NBPF3: variants seen among roughly 807,000 people sequenced by gnomAD.
The protein encoded by NBPF3 is NBPF family member NBPF3.
NBPF3 carries 57 observed loss-of-function variants against 78.1 expected under a neutral mutation model. The ratio of observed to expected loss-of-function variants is 0.73; its 90% CI spans 0.59 to 0.91. NBPF3 has a LOEUF of 0.91. Among genes scored for constraint, NBPF3 ranks in the 40% least tolerant of loss-of-function variants. NBPF3 has a pLI of 0.00. For synonymous variants in NBPF3, 182 were observed against 271.7 expected (o/e 0.67, Z 3.25); for missense variants, 510 against 715.3 (o/e 0.71, Z 3.27).
chr1:21,456,070 G>A (rs779317769), intron 2 of NBPF3, among the ~76,000 whole-genome samples: 2 of 152,162 alleles, frequency 1.3e-5, no homozygotes, highest in Non-Finnish European at 2.9e-5. Context: ...AATCCACAAA[G>A]GGGTGGATTG....
At chr1:21,463,158 C>A (rs2147957648) in intron 2 of NBPF3, among the ~76,000 whole-genome samples, 1 of 152,306 alleles carries the variant, frequency 6.6e-6, no homozygotes, top group East Asian at 1.9e-4. Flanking sequence ...TTGAGTGAGT[C>A]CAACCCCTGC....
intron 2 of NBPF3, among the ~76,000 whole-genome samples, chr1:21,452,602 G>A (rs1473298078): frequency 6.6e-6 from 1 of 152,204 alleles, no homozygotes; most frequent in Non-Finnish European, 1.5e-5. Flanking sequence ...TTAAATCCCC[G>A]TCAGTTTAAA....
chr1:21,480,214 G>A lies in NBPF3; in HGVS notation c.1372G>A (p.Asp458Asn). 1 of 1,243,954 alleles carries A rather than the reference G, an allele frequency of 8.0e-7. No individual in the cohort carries two copies. Among genetic ancestry groups the A allele is most frequent in the Non-Finnish European group, 1.1e-6 (1 of 870,986 alleles). 77.1% of individuals were successfully genotyped at this position (1,243,954 alleles called of 1,614,324 possible). A position where few individuals can be genotyped will look rare whatever the true frequency, so the allele number is the denominator to read the frequency against. Residue 458 changes from aspartate to asparagine, a missense_variant, in exon 11 of 15, where the codon GAC becomes AAC. Around this residue, in one of 5 missense-constraint regions of NBPF3, gnomAD observed 22 missense variants for 59.9 expected, o/e 0.37. Transcript: ENST00000318249. ...GGAACAACACCTTGGCTTGGCTCTT[G>A]ACTTGGACAGTGAGTACCTTACTAT... is the stretch of plus-strand genomic sequence containing the variant. Reference protein sequence around the residue: ...LQEQHLGLALDLDRMKKDQEE... With the variant: ...LQEQHLGLALNLDRMKKDQEE...
At chr1:21,441,418 G>T (rs1640639616) in intron 1 of NBPF3, among the ~76,000 whole-genome samples, 1 of 152,078 alleles carries the variant, frequency 6.6e-6, no homozygotes, top group Non-Finnish European at 1.5e-5. Context: ...TTTTAAATGT[G>T]CAGGGGGCCC....
chr1:21,473,499 T>A lies in NBPF3; in HGVS notation c.854T>A (p.Ile285Asn). Residue 285 changes from isoleucine to asparagine, a missense_variant, in exon 7 of 15, where the codon ATC becomes AAC. Physicochemically the swap from Ile to Asn is moderately radical, Grantham distance 149. Transcript: ENST00000318249. ...ESNQPYGNTR[I>N]TFEEDQVDST... ...AACCAGCCTTACGGGAACACCAGAATCACATTTGAGGAAGACCAAGTCGAC... is the reference window on the plus strand; with the variant it reads ...AACCAGCCTTACGGGAACACCAGAAACACATTTGAGGAAGACCAAGTCGAC... The A allele has an allele frequency of 6.2e-7, 1 of 1,614,188 alleles. No homozygotes were observed. The highest frequency in any genetic ancestry group is 1.1e-5 in the South Asian group (1 of 91,084).
At chr1:21,440,447 G>T (rs1289429392) in intron 1 of NBPF3, 99 bp downstream of exon 1, 1 of 151,114 alleles carries the variant, frequency 6.6e-6, no homozygotes. Flanking sequence ...TTGCGCGAGC[G>T]CGGGGGCGGG....
At chr1:21,442,130 G>C (rs1418954741) in intron 1 of NBPF3, 1 of 152,118 alleles carries the variant, frequency 6.6e-6, no homozygotes, top group African/African-American at 2.4e-5. Context: ...TCCTTTCTAG[G>C]ATTTATATGT....
chr1:21,479,736 G>C (rs1433969386), intron 10 of NBPF3, among the ~76,000 whole-genome samples: 1 of 151,660 alleles, frequency 6.6e-6, no homozygotes, highest in Non-Finnish European at 1.5e-5. Context: ...CACAAATATA[G>C]AGTGTTCTTT....
chr1:21,471,918 A>T (rs1642621565), intron 5 of NBPF3, 135 bp downstream of exon 5: 3 of 1,252,204 alleles, frequency 2.4e-6, no homozygotes, highest in African/African-American at 3.0e-5. Context: ...CATAAGTGAC[A>T]TAACCAGGAC....
intron 5 of NBPF3, among the ~76,000 whole-genome samples, chr1:21,472,116 C>G (rs1642632902): frequency 6.6e-6 from 1 of 152,184 alleles, no homozygotes; most frequent in Admixed American, 6.5e-5. Flanking sequence ...ACTCAGAAGG[C>G]AGGTTCCCAG....
intron 3 of NBPF3, among the ~76,000 whole-genome samples, 170 bp from the exon 4 acceptor site, chr1:21,470,462 G>T (rs948131078): frequency 2.0e-5 from 3 of 152,204 alleles, no homozygotes; most frequent in Non-Finnish European, 4.4e-5. Context: ...TGGAGGATCA[G>T]CTGCCAGTAA....
intron 7 of NBPF3, among the ~76,000 whole-genome samples, chr1:21,474,066 A>G (rs1364226944): frequency 6.6e-6 from 1 of 152,080 alleles, no homozygotes; most frequent in East Asian, 1.9e-4. Context: ...CAGGACAGAA[A>G]CTTTTCTTTT....
At chr1:21,465,452 G>A (rs1385150566) in intron 2 of NBPF3, among the ~76,000 whole-genome samples, 4 of 152,252 alleles carry the variant, frequency 2.6e-5, no homozygotes, top group Non-Finnish European at 5.9e-5. Context: ...TTGGGGGTGG[G>A]ACCCATTGAG....
intron 2 of NBPF3, among the ~76,000 whole-genome samples, chr1:21,455,280 C>A (rs1432322693): frequency 6.6e-6 from 1 of 152,182 alleles, no homozygotes; most frequent in Non-Finnish European, 1.5e-5. Context: ...TTGTTTTTGC[C>A]ATAAATTGTA....
chr1:21,454,905 G>C (rs1641511905), intron 2 of NBPF3, among the ~76,000 whole-genome samples: 1 of 152,206 alleles, frequency 6.6e-6, no homozygotes, highest in Non-Finnish European at 1.5e-5. Flanking sequence ...CTTCTTCTCA[G>C]GGCCTCACAG....
chr1:21,446,743 C>T (rs942177872), intron 2 of NBPF3, among the ~76,000 whole-genome samples: 9 of 152,016 alleles, frequency 5.9e-5, no homozygotes, highest in African/African-American at 2.2e-4. Context: ...AGGCAGAGAG[C>T]TCATCCAGTA....
chr1:21,479,464 A>G, intron 10 of NBPF3, 64 bp downstream of exon 10: 9 of 1,361,378 alleles, frequency 6.6e-6, no homozygotes, highest in Non-Finnish European at 9.4e-6. Flanking sequence ...AAGTCCGGGG[A>G]AAGCAGTACA....
chr1:21,468,910 G>T lies in NBPF3; in HGVS notation c.343+13G>T. ...CAAAATAATTACGGTAAGTTCTATA[G>T]GCTCACCATCACAAAAGCGATGAAT... On this transcript the variant is annotated intron_variant, in intron 3 of 14. Coordinates refer to ENST00000318249, the MANE Select transcript of NBPF3 (RefSeq NM_032264.6). 2 of 1,586,008 alleles carry T rather than the reference G, an allele frequency of 1.3e-6. No individual in the cohort carries two copies. Among genetic ancestry groups the T allele is most frequent in the South Asian group, 2.2e-5 (2 of 90,164 alleles).
intron 3 of NBPF3, 55 bp downstream of exon 3, chr1:21,468,952 G>A (rs939910863): frequency 1.8e-5 from 24 of 1,343,786 alleles, no homozygotes; most frequent in Middle Eastern, 1.8e-4. Context: ...CTGTCTTCTC[G>A]CTGAGAAACT....
Sources: allele counts gnomAD v4.1 joint callset (sites outside exome capture counted in the v4.1 genomes callset), GRCh38; gene constraint gnomAD v4.1.1; regional missense constraint gnomAD v4.1.1; transcripts MANE v1.5; gene names NCBI Gene and HGNC (gene_info 2026-07-23, HGNC 2026-07-21).